The following ACVR1 variants were observed in gnomAD, a reference collection of about 807,000 sequenced individuals.
The protein encoded by ACVR1 is activin A receptor type 1.
Under a neutral mutation model 57.1 loss-of-function variants are expected in ACVR1, and 38 were observed. The ratio of observed to expected loss-of-function variants is 0.67; its 90% CI spans 0.51 to 0.87. The LOEUF (loss-of-function observed/expected upper bound fraction) is 0.87. Ranked by LOEUF, ACVR1 falls within the 40% of genes least tolerant of loss-of-function variation. ACVR1 has a pLI of 0.00. For missense variants in ACVR1, 463 were observed against 638.2 expected (o/e 0.73, Z 2.96); for synonymous variants, 212 against 228.1 (o/e 0.93, Z 0.63).
rs999599019 is a variant in ACVR1, at chr2:157,774,201, C to A, written c.544-14G>T. On this transcript the variant is annotated splice_polypyrimidine_tract_variant and intron_variant, in intron 5 of 10. Coordinates refer to ENST00000434821, the MANE Select transcript of ACVR1 (RefSeq NM_001111067.4). ...ATCCAATAAATCCTGTGGTTTAAGA[C>A]AAGGGGGAAAAGAAACGATTGAGCA... 2 of 1,608,454 alleles carry A rather than the reference C, an allele frequency of 1.2e-6. No individual in the cohort carries two copies. The highest frequency in any genetic ancestry group is 2.7e-5 in the African/African-American group (2 of 74,864).
At chr2:157,855,677 G>C (rs983569672) in intron 1 of ACVR1, among the ~76,000 whole-genome samples, 1 of 152,018 alleles carries the variant, frequency 6.6e-6, no homozygotes, top group African/African-American at 2.4e-5. Flanking sequence ...AGGGGGAAGA[G>C]CTTTATAAAC....
chr2:157,850,388 CAAAAA>C (rs745600769), intron 1 of ACVR1, among the ~76,000 whole-genome samples: 1 of 126,972 alleles, frequency 7.9e-6, no homozygotes. Flanking sequence ...GACTCAGTCT[CAAAAA>C]AAAAAAAAGA....
At chr2:157,841,626 G>A (rs900595380) in intron 1 of ACVR1, among the ~76,000 whole-genome samples, 1 of 152,142 alleles carries the variant, frequency 6.6e-6, no homozygotes, top group African/African-American at 2.4e-5. Flanking sequence ...GATTGCTTGA[G>A]CCCAAAAGTT....
chr2:157,766,387 C>G (rs1685861098), intron 7 of ACVR1, among the ~76,000 whole-genome samples, 191 bp from the exon 8 acceptor site: 1 of 152,162 alleles, frequency 6.6e-6, no homozygotes, highest in Non-Finnish European at 1.5e-5. Flanking sequence ...TAAAAGGGCA[C>G]TGCTAATAGG....
Position 157,875,779 on chromosome 2 carries a change from C to A in ACVR1, c.-183+17G>T, listed in dbSNP as rs1464124908. ...TCCTCCCGGCTCCAGCAGGCGCGGC[C>A]GGCGACCTGCGCTCACCTCGGGTCC... On this transcript the variant is annotated intron_variant, in intron 1 of 10. Coordinates refer to ENST00000434821, the MANE Select transcript of ACVR1 (RefSeq NM_001111067.4). The A allele has an allele frequency of 6.6e-6, 1 of 151,976 alleles. No homozygotes were observed. Among genetic ancestry groups the A allele is most frequent in the African/African-American group, 2.4e-5 (1 of 41,396 alleles). The allele number at this position is 151,976 out of a possible 1,614,324, so 9.4% of individuals were successfully genotyped here.
In ACVR1 at chr2:157,814,954, G is replaced by A. The variant is rs572251433; in HGVS notation, c.-8+3431C>T. 1.2e-3 allele frequency among the ~76,000 whole-genome samples: 184 copies of A among 152,146 alleles called. 1 individual carries two copies. Among genetic ancestry groups the A allele is most frequent in the Non-Finnish European group, 2.0e-3 (138 of 67,988 alleles). On this transcript the variant is annotated intron_variant, in intron 2 of 10. Coordinates refer to ENST00000434821, the MANE Select transcript of ACVR1 (RefSeq NM_001111067.4). Reference sequence around the variant, plus strand: ...CAAAAAATTAGCAGGGCGTGGTGGCGGGCACCTGTAGGTAGTCCCAGCTAA... The same window carrying A: ...CAAAAAATTAGCAGGGCGTGGTGGCAGGCACCTGTAGGTAGTCCCAGCTAA...
At chr2:157,784,985 A>T (rs994654619) in intron 3 of ACVR1, among the ~76,000 whole-genome samples, 7 of 152,230 alleles carry the variant, frequency 4.6e-5, no homozygotes, top group Admixed American at 1.3e-4. Flanking sequence ...GGACTTACCT[A>T]TTCACGCCTG....
chr2:157,843,821 T>A (rs1264494533), intron 1 of ACVR1, among the ~76,000 whole-genome samples: 1 of 152,176 alleles, frequency 6.6e-6, no homozygotes, highest in African/African-American at 2.4e-5. Context: ...AACCATTGAA[T>A]ATGAGCCTGA....
Position 157,765,963 on chromosome 2 carries a change from T to A in ACVR1, c.1024A>T (p.Ile342Phe). Residue 342 changes from isoleucine to phenylalanine, a missense_variant, in exon 8 of 11, where the codon ATT (isoleucine) becomes TTT (phenylalanine). Physicochemically the swap from Ile to Phe is conservative, Grantham distance 21. Around this residue, in one of 3 missense-constraint regions of ACVR1, gnomAD observed 114 missense variants for 216.2 expected, o/e 0.53. Coordinates refer to ENST00000434821, the MANE Select transcript of ACVR1 (RefSeq NM_001111067.4). ...IAHRDLKSKN[I>F]LVKKNGQCCI... is the part of the protein sequence containing the mutation. ...CACTGTCCATTCTTCTTAACCAGAA[T>A]ATTTTTGCTCTTTAAATCTCGATGG... The A allele has an allele frequency of 6.2e-7, 1 of 1,614,186 alleles. No individual in the cohort carries two copies. Among genetic ancestry groups the A allele is most frequent in the Non-Finnish European group, 8.5e-7 (1 of 1,180,012 alleles).
chr2:157,746,472 C>T (rs1305072058), intron 9 of ACVR1, among the ~76,000 whole-genome samples: 1 of 152,258 alleles, frequency 6.6e-6, no homozygotes, highest in African/African-American at 2.4e-5. Flanking sequence ...TTCACACAGA[C>T]TTCTGTATGC....
In ACVR1 at chr2:157,757,125, C is replaced by T. The variant is rs138219066; in HGVS notation, c.1264+3755G>A. ...TGAATGGAAATTTAAAAATGCAATC[C>T]GGAGACTAAATCAAGCAGAAGAAAG... is the stretch of plus-strand genomic sequence containing the variant. On this transcript the variant is annotated intron_variant, in intron 9 of 10. Transcript: ENST00000434821. Among the ~76,000 whole-genome samples the T allele has an allele frequency of 5.9e-3, 879 of 148,354 alleles. 6 individuals are homozygous for T. Among genetic ancestry groups the T allele is most frequent in the Non-Finnish European group, 9.4e-3 (629 of 66,944 alleles).
At chr2:157,766,628 T>C (rs997986910) in intron 7 of ACVR1, among the ~76,000 whole-genome samples, 3 of 152,208 alleles carry the variant, frequency 2.0e-5, no homozygotes, top group Non-Finnish European at 2.9e-5. Flanking sequence ...ACTTGTCTAA[T>C]ACTGGGCAAC....
intron 1 of ACVR1, among the ~76,000 whole-genome samples, chr2:157,868,919 G>A (rs1690027791): frequency 1.3e-5 from 2 of 152,168 alleles, no homozygotes; most frequent in South Asian, 4.1e-4. Flanking sequence ...TAATGATAAG[G>A]ACAATGACAA....
chr2:157,814,065 T>C (rs1687849171), intron 2 of ACVR1, among the ~76,000 whole-genome samples: 3 of 152,266 alleles, frequency 2.0e-5, no homozygotes, highest in South Asian at 4.1e-4. Context: ...CATTACTGTA[T>C]AGCCTGGTGC....
At chr2:157,787,662 A>G (rs1464785768) in intron 3 of ACVR1, among the ~76,000 whole-genome samples, 2 of 152,202 alleles carry the variant, frequency 1.3e-5, no homozygotes, top group Admixed American at 6.5e-5. Flanking sequence ...CGCCACAGGA[A>G]GAATGGTTGA....
chr2:157,746,384 A>T (rs561623989), intron 9 of ACVR1, among the ~76,000 whole-genome samples: 4 of 152,304 alleles, frequency 2.6e-5, no homozygotes, highest in East Asian at 1.9e-4. Context: ...ATGACGTCAG[A>T]CTCTGGAATG....
At chr2:157,829,408 T>C (rs1479439429) in intron 1 of ACVR1, among the ~76,000 whole-genome samples, 1 of 152,146 alleles carries the variant, frequency 6.6e-6, no homozygotes, top group Non-Finnish European at 1.5e-5. Context: ...CCCAACTGAC[T>C]CCTTCAAGGT....
At chr2:157,822,884 C>T (rs1431710092) in intron 1 of ACVR1, among the ~76,000 whole-genome samples, 1 of 152,072 alleles carries the variant, frequency 6.6e-6, no homozygotes, top group East Asian at 1.9e-4. Flanking sequence ...AACCTACATT[C>T]AGATCTACAA....
intron 1 of ACVR1, among the ~76,000 whole-genome samples, chr2:157,835,835 C>G (rs996466675): frequency 5.3e-5 from 8 of 152,202 alleles, no homozygotes; most frequent in Non-Finnish European, 8.8e-5. Flanking sequence ...ATTACATCCT[C>G]CAAGCATCCT....
Sources: gnomAD v4.1 joint callset for allele counts (sites outside exome capture counted in the v4.1 genomes callset) on GRCh38, gnomAD v4.1.1 for gene constraint, gnomAD v4.1.1 regional missense constraint, MANE v1.5 for transcripts, NCBI Gene and HGNC (gene_info 2026-07-23, HGNC 2026-07-21) for gene names.